PRKD1: variants seen among roughly 807,000 people sequenced by gnomAD.
PRKD1 encodes the protein serine/threonine-protein kinase D1.
PRKD1 carries 63 observed loss-of-function variants against 95.9 expected under a neutral mutation model. That is an observed-to-expected ratio of 0.66 (90% confidence interval 0.54 to 0.81). PRKD1 has a LOEUF of 0.81. Ranked by LOEUF, PRKD1 falls within the 30% of genes least tolerant of loss-of-function variation. The pLI is 0.00. For synonymous variants in PRKD1, 425 were observed against 423.1 expected, an observed-to-expected ratio of 1.00 and a Z score of -0.05; for missense variants, 1,048 against 1,165.3, an observed-to-expected ratio of 0.90 and a Z score of 1.47.
At chr14:29,860,512 T>C (rs1057282303) in intron 1 of PRKD1, among the ~76,000 whole-genome samples, 1 of 152,166 alleles carries the variant, frequency 6.6e-6, no homozygotes, top group Admixed American at 6.5e-5. Context: ...CATTGAGATA[T>C]CACGTTAATT....
intron 4 of PRKD1, among the ~76,000 whole-genome samples, chr14:29,663,093 A>C (rs976277319): frequency 3.4e-5 from 5 of 146,022 alleles, no homozygotes; most frequent in Non-Finnish European, 6.0e-5. Context: ...TATATACTAT[A>C]TAATATATAT....
chr14:29,771,016 T>G (rs1477833844), intron 1 of PRKD1, among the ~76,000 whole-genome samples: 2 of 147,546 alleles, frequency 1.4e-5, no homozygotes, highest in Admixed American at 6.7e-5. Context: ...GTGTTGAGGG[T>G]ACAACACAGC....
chr14:29,583,226 G>A (rs958845824), intron 16 of PRKD1, among the ~76,000 whole-genome samples: 1 of 152,174 alleles, frequency 6.6e-6, no homozygotes, highest in South Asian at 2.1e-4. Flanking sequence ...ATTTCTTGGG[G>A]TAAGATATAT....
chr14:29,801,713 A>G (rs1250138823), intron 1 of PRKD1, among the ~76,000 whole-genome samples: 1 of 151,688 alleles, frequency 6.6e-6, no homozygotes, highest in Non-Finnish European at 1.5e-5. Flanking sequence ...TTTTAGATGG[A>G]GTTTCGCTCT....
At position 29,925,101 on chromosome 14, in the gene PRKD1, C is replaced by G. The variant is rs879355612; in HGVS notation, c.264+2148G>C. ...AGATCTTTACCTTAACTATTCCAAA[C>G]AGTCAAACTTTTCAAACTTCTTTGA... On this transcript the variant is annotated intron_variant, in intron 1 of 17. Transcript: ENST00000331968. Among the ~76,000 whole-genome samples, 8 of 152,076 alleles carry G rather than the reference C, an allele frequency of 5.3e-5. No homozygotes were observed. The East Asian group carries it at 1.4e-3, about 26-fold the overall frequency.
chr14:29,758,998 C>T (rs1887842671), intron 1 of PRKD1, among the ~76,000 whole-genome samples: 1 of 152,188 alleles, frequency 6.6e-6, no homozygotes, highest in Non-Finnish European at 1.5e-5. Context: ...AAGAAGAAAG[C>T]TGTGCTCCAA....
Position 29,638,532 on chromosome 14 carries a change from C to T in PRKD1, c.942G>A (p.Pro314=), listed in dbSNP as rs2273807. Residue 314 remains proline (P), a synonymous_variant, in exon 6 of 18, where the codon CCG becomes CCA. Coordinates refer to ENST00000331968, the MANE Select transcript of PRKD1 (RefSeq NM_002742.3). ...CRFNCHKRCA[P]KVPNNCLGEV... ...CGCCAAGGCAGTTGTTTGGTACTTT[C>T]GGTGCACAACGTTTATGGCAGTTGA... 10,313 of 1,614,166 alleles carry T rather than the reference C, an allele frequency of 6.4e-3. 329 individuals carry two copies. In the African/African-American group the frequency reaches 0.088, roughly 14 times the overall value.
intron 1 of PRKD1, among the ~76,000 whole-genome samples, chr14:29,859,139 CA>C (rs1892613046): frequency 6.6e-6 from 1 of 152,186 alleles, no homozygotes; most frequent in Non-Finnish European, 1.5e-5. Flanking sequence ...GTTAGGCCAT[CA>C]AAAGTCAAAG....
intron 16 of PRKD1, among the ~76,000 whole-genome samples, chr14:29,590,638 A>G (rs1893093803): frequency 6.6e-6 from 1 of 152,188 alleles, no homozygotes. Context: ...AAAATTAATC[A>G]GCAATATGTG....
intron 4 of PRKD1, among the ~76,000 whole-genome samples, chr14:29,649,667 C>T (rs537077521): frequency 1.1e-4 from 17 of 152,092 alleles, no homozygotes; most frequent in East Asian, 1.9e-4. Context: ...TTATTTATAG[C>T]GCCTTTGGCT....
chr14:29,769,455 G>A (rs1362470944), intron 1 of PRKD1, among the ~76,000 whole-genome samples: 1 of 152,014 alleles, frequency 6.6e-6, no homozygotes, highest in Admixed American at 6.6e-5. Flanking sequence ...TGTAGTTCAG[G>A]GAGACGGAGG....
At chr14:29,849,242 C>T (rs1461360118) in intron 1 of PRKD1, among the ~76,000 whole-genome samples, 2 of 152,182 alleles carry the variant, frequency 1.3e-5, no homozygotes, top group Non-Finnish European at 2.9e-5. Flanking sequence ...TTTCCTCCTG[C>T]TCTGGCCATG....
intron 2 of PRKD1, among the ~76,000 whole-genome samples, chr14:29,680,230 A>G (rs1295326160): frequency 2.0e-5 from 3 of 152,228 alleles, no homozygotes; most frequent in African/African-American, 7.2e-5. Flanking sequence ...AATTAAAAAA[A>G]TAATAACCCC....
At chr14:29,588,763 T>C (rs1211971793) in intron 16 of PRKD1, among the ~76,000 whole-genome samples, 1 of 151,138 alleles carries the variant, frequency 6.6e-6, no homozygotes, top group African/African-American at 2.4e-5. Flanking sequence ...CTAAAGGCAT[T>C]TCCTATGCTT....
chr14:29,855,069 G>T (rs1175946846), intron 1 of PRKD1, among the ~76,000 whole-genome samples: 1 of 152,236 alleles, frequency 6.6e-6, no homozygotes, highest in East Asian at 1.9e-4. Flanking sequence ...TGCTAGTGTA[G>T]TGTGGAAGGG....
chr14:29,698,579 C>T (rs1884658983), intron 2 of PRKD1, among the ~76,000 whole-genome samples: 2 of 151,962 alleles, frequency 1.3e-5, no homozygotes, highest in Non-Finnish European at 2.9e-5. Flanking sequence ...AACTCTAAAA[C>T]TCTCGAAATT....
rs370587964 is a variant in PRKD1 at position 29,778,934 on chromosome 14, C to A, written c.265-53260G>T. Among the ~76,000 whole-genome samples, 238 of 152,284 alleles carry A rather than the reference C, an allele frequency of 1.6e-3. 13 individuals carry two copies. The South Asian group carries it at 0.045, about 29-fold the overall frequency. ...TCCAGCAGCACATCAAAAAGCTTAT[C>A]CACCATGATCAAGTGAGATTCATCC... On this transcript the variant is annotated intron_variant, in intron 1 of 17. Transcript: ENST00000331968.
At chr14:29,672,945 G>A (rs1348712302) in intron 2 of PRKD1, among the ~76,000 whole-genome samples, 2 of 152,064 alleles carry the variant, frequency 1.3e-5, no homozygotes, top group African/African-American at 4.8e-5. Flanking sequence ...CACCGGGACA[G>A]TAGGAGTGTT....
chr14:29,839,773 A>C (rs538179217), intron 1 of PRKD1, among the ~76,000 whole-genome samples: 114 of 152,148 alleles, frequency 7.5e-4, no homozygotes, highest in African/African-American at 2.6e-3. Flanking sequence ...GAAGCTGCCA[A>C]GGCTTGAGGC....
Sources: gnomAD v4.1 joint callset for allele counts (sites outside exome capture counted in the v4.1 genomes callset) on GRCh38, gnomAD v4.1.1 for gene constraint, MANE v1.5 for transcripts, NCBI Gene and HGNC (gene_info 2026-07-23, HGNC 2026-07-21) for gene names.